The following PCCA variants were observed in gnomAD, a reference collection of about 807,000 sequenced individuals.
The protein encoded by PCCA is propionyl-CoA carboxylase subunit alpha.
PCCA carries 74 observed loss-of-function variants against 101.3 expected under a neutral mutation model. The ratio of observed to expected loss-of-function variants is 0.73; its 90% CI spans 0.61 to 0.89. The LOEUF (loss-of-function observed/expected upper bound fraction) is 0.89. Ranked by LOEUF, PCCA falls within the 40% of genes least tolerant of loss-of-function variation. The pLI, the probability that PCCA is intolerant of heterozygous loss-of-function variation, is 0.00. For synonymous variants in PCCA, 294 were observed against 313.6 expected, an observed-to-expected ratio of 0.94 and a Z score of 0.66; for missense variants, 891 against 907.0, an observed-to-expected ratio of 0.98 and a Z score of 0.23.
chr13:100,465,378 A>G (rs1208333119), intron 21 of PCCA, among the ~76,000 whole-genome samples: 1 of 152,230 alleles, frequency 6.6e-6, no homozygotes, highest in African/African-American at 2.4e-5. Flanking sequence ...ACATTTGATT[A>G]TTTGTGCTAA....
At chr13:100,449,188 C>A in intron 20 of PCCA, 64 bp from the exon 21 acceptor site, 1 of 1,015,626 alleles carries the variant, frequency 9.8e-7, no homozygotes, top group Non-Finnish European at 1.5e-6. Context: ...TTTTGGCTAT[C>A]GTGAACATTA....
chr13:100,391,480 C>G (rs2076798372), intron 19 of PCCA, among the ~76,000 whole-genome samples: 1 of 152,142 alleles, frequency 6.6e-6, no homozygotes, highest in East Asian at 1.9e-4. Flanking sequence ...GCTAGGCTAA[C>G]CAAGCTTCCA....
intron 12 of PCCA, among the ~76,000 whole-genome samples, chr13:100,296,652 A>G (rs75332768): frequency 0.022 from 3,275 of 152,294 alleles, 43 homozygotes; most frequent in Non-Finnish European, 0.033. Flanking sequence ...CATATTTACC[A>G]CATTTACTTT....
intron 6 of PCCA, among the ~76,000 whole-genome samples, chr13:100,168,219 C>T (rs1198005729): frequency 6.6e-6 from 1 of 152,158 alleles, no homozygotes; most frequent in Non-Finnish European, 1.5e-5. Context: ...TAAGATTGCT[C>T]CAGTCATTAA....
chr13:100,409,056 G>A (rs1475670569), intron 19 of PCCA, among the ~76,000 whole-genome samples: 2 of 152,084 alleles, frequency 1.3e-5, no homozygotes, highest in Non-Finnish European at 2.9e-5. Flanking sequence ...CAGCCACCCC[G>A]GGTGCCCTTG....
At chr13:100,259,644 G>A (rs901023244) in intron 9 of PCCA, among the ~76,000 whole-genome samples, 2 of 151,974 alleles carry the variant, frequency 1.3e-5, no homozygotes, top group Non-Finnish European at 2.9e-5. Context: ...TTATTATATA[G>A]TAAATTTGGG....
intron 21 of PCCA, among the ~76,000 whole-genome samples, chr13:100,466,771 T>C (rs2082551466): frequency 1.3e-5 from 2 of 152,000 alleles, no homozygotes; most frequent in South Asian, 4.2e-4. Flanking sequence ...GGCAGGAGAA[T>C]TGCATGAACC....
intron 22 of PCCA, among the ~76,000 whole-genome samples, chr13:100,525,996 C>T (rs892062496): frequency 7.2e-5 from 11 of 152,224 alleles, no homozygotes; most frequent in Non-Finnish European, 4.4e-5. Flanking sequence ...AGTGCTCAGT[C>T]CTAGGTCAGA....
chr13:100,274,033 C>G (rs1172195144), intron 12 of PCCA, among the ~76,000 whole-genome samples: 1 of 152,104 alleles, frequency 6.6e-6, no homozygotes, highest in African/African-American at 2.4e-5. Flanking sequence ...TAAACATCAA[C>G]TGGGCCTAGA....
At chr13:100,134,279 C>A (rs1429390592) in intron 4 of PCCA, among the ~76,000 whole-genome samples, 1 of 152,156 alleles carries the variant, frequency 6.6e-6, no homozygotes, top group Non-Finnish European at 1.5e-5. Context: ...TGTCTATTCC[C>A]TTGTCAGTAC....
At position 100,091,952 on chromosome 13, in the gene PCCA, C is replaced by T. The variant is rs370529077; in HGVS notation, c.105+2727C>T. Among the ~76,000 whole-genome samples the T allele has an allele frequency of 1.5e-4, 22 of 151,632 alleles. No individual in the cohort carries two copies. The East Asian group carries it at 3.9e-3, about 27-fold the overall frequency. Reference sequence around the variant, plus strand: ...TTTCTTTTTTTTTGAGATGGGGTCTCGCTCTGTTGCCAGGCTGGAGTGCAG... The same window carrying T: ...TTTCTTTTTTTTTGAGATGGGGTCTTGCTCTGTTGCCAGGCTGGAGTGCAG... On this transcript the variant is annotated intron_variant, in intron 1 of 23. Transcript: ENST00000376285.
intron 20 of PCCA, among the ~76,000 whole-genome samples, chr13:100,437,420 T>C (rs528662728): frequency 7.2e-6 from 1 of 138,898 alleles, no homozygotes; most frequent in South Asian, 2.8e-4. Flanking sequence ...TAATTAAAAG[T>C]TCTCTTCAGA....
At chr13:100,522,969 G>A (rs969384261) in intron 22 of PCCA, among the ~76,000 whole-genome samples, 6 of 152,194 alleles carry the variant, frequency 3.9e-5, no homozygotes, top group East Asian at 1.9e-4. Flanking sequence ...CTTGAGCACC[G>A]CTTTCAAGCC....
At chr13:100,182,124 G>A (rs1351760649) in intron 6 of PCCA, among the ~76,000 whole-genome samples, 33 of 111,524 alleles carry the variant, frequency 3.0e-4, no homozygotes, top group East Asian at 5.5e-4. Context: ...TTGAGATGGA[G>A]TCTTGCTCTG....
intron 19 of PCCA, among the ~76,000 whole-genome samples, chr13:100,403,556 A>G (rs2077494513): frequency 6.6e-6 from 1 of 152,072 alleles, no homozygotes; most frequent in African/African-American, 2.4e-5. Context: ...AAATGACCAG[A>G]TTTCACTAAG....
chr13:100,288,531 T>A (rs2064871006), intron 12 of PCCA, among the ~76,000 whole-genome samples: 1 of 152,212 alleles, frequency 6.6e-6, no homozygotes. Context: ...TCTTGGGGCC[T>A]CTGTCTCCTA....
intron 19 of PCCA, among the ~76,000 whole-genome samples, chr13:100,401,762 A>G (rs1179193602): frequency 6.6e-6 from 1 of 152,184 alleles, no homozygotes; most frequent in Non-Finnish European, 1.5e-5. Context: ...GACTCCTGAA[A>G]AAGTGCCAAT....
At chr13:100,495,309 G>A (rs1323764853) in intron 21 of PCCA, among the ~76,000 whole-genome samples, 3 of 152,048 alleles carry the variant, frequency 2.0e-5, no homozygotes, top group African/African-American at 7.2e-5. Flanking sequence ...ATGTCTCGTA[G>A]CCCCTATAGC....
chr13:100,313,849 A>G (rs1196266562), intron 16 of PCCA, among the ~76,000 whole-genome samples: 1 of 152,160 alleles, frequency 6.6e-6, no homozygotes, highest in African/African-American at 2.4e-5. Flanking sequence ...AAAAAGCACA[A>G]TACCATCATT....
Sources: allele counts gnomAD v4.1 joint callset (sites outside exome capture counted in the v4.1 genomes callset), GRCh38; gene constraint gnomAD v4.1.1; transcripts MANE v1.5; gene names NCBI Gene and HGNC (gene_info 2026-07-23, HGNC 2026-07-21).